Variants in SLC17A5 observed in about 807,000 individuals in gnomAD.
SLC17A5 encodes the protein sialin.
In SLC17A5, 47 loss-of-function variants were observed where a neutral mutation model predicts 59.4. The observed-to-expected ratio is 0.79, with a 90% CI of 0.63 to 1.01. The LOEUF is 1.01. SLC17A5 is among the 50% of genes least tolerant of loss of function. The pLI is 0.00. For synonymous variants in SLC17A5, 202 were observed against 210.7 expected (o/e 0.96, Z 0.36); for missense variants, 522 against 595.5 (o/e 0.88, Z 1.28).
intron 9 of SLC17A5, among the ~76,000 whole-genome samples, chr6:73,601,026 C>T (rs1423017677): frequency 6.9e-6 from 1 of 144,692 alleles, no homozygotes; most frequent in East Asian, 2.1e-4. Context: ...GTGAGGAGAC[C>T]CTCTGCCTGG....
intron 3 of SLC17A5, among the ~76,000 whole-genome samples, chr6:73,639,165 G>A (rs562846508): frequency 7.9e-5 from 12 of 152,144 alleles, no homozygotes; most frequent in Non-Finnish European, 1.6e-4. Context: ...TTACTGACAC[G>A]GAGAGCTAAC....
At chr6:73,653,382 C>G (rs1471082517) in intron 1 of SLC17A5, 10 of 985,336 alleles carry the variant, frequency 1.0e-5, no homozygotes, top group Non-Finnish European at 1.2e-6. Flanking sequence ...CCGGGGTCCT[C>G]CGCTCGGACC....
chr6:73,618,325 C>T (rs72949387), intron 7 of SLC17A5: 44,925 of 225,560 alleles, frequency 0.2, 4,938 homozygotes, highest in African/African-American at 0.22. Context: ...CTGGTTGTGA[C>T]GACCTACCGA....
rs151113813 is a variant in SLC17A5 at position 73,598,103 on chromosome 6, C to T, written c.1350+2248G>A. On this transcript the variant is annotated intron_variant, in intron 10 of 10. Coordinates refer to ENST00000355773, the MANE Select transcript of SLC17A5 (RefSeq NM_012434.5). ...AAGCTGCCCTGTGTGGTCTCTGGGA[C>T]AAAATAATACTTCAGTGTTATCTGA... Among the ~76,000 whole-genome samples, 418 of 152,226 alleles carry T rather than the reference C, an allele frequency of 2.7e-3. 1 individual carries two copies. Among genetic ancestry groups the T allele is most frequent in the Middle Eastern group, 0.024 (7 of 294 alleles).
intron 1 of SLC17A5, 108 bp from the exon 2 acceptor site, chr6:73,644,711 A>G (rs941657738): frequency 4.8e-6 from 5 of 1,031,308 alleles, no homozygotes; most frequent in Non-Finnish European, 7.2e-6. Context: ...GGCTCAAGCC[A>G]TCCACCCACC....
At chr6:73,651,423 T>G (rs1286469681) in intron 1 of SLC17A5, among the ~76,000 whole-genome samples, 1 of 111,702 alleles carries the variant, frequency 9.0e-6, no homozygotes, top group Non-Finnish European at 1.7e-5. Flanking sequence ...ATCGCACCAC[T>G]GCACTCCAGC....
At chr6:73,617,324 A>G (rs931831601) in intron 7 of SLC17A5, among the ~76,000 whole-genome samples, 6 of 152,232 alleles carry the variant, frequency 3.9e-5, no homozygotes, top group South Asian at 4.2e-4. Context: ...AAAAGAAAAA[A>G]AAACACAATT....
At chr6:73,610,691 GAA>G (rs10707321) in intron 8 of SLC17A5, 144 bp from the exon 9 acceptor site, 28 of 703,018 alleles carry the variant, frequency 4.0e-5, no homozygotes, top group Admixed American at 5.9e-5. Context: ...AATTTCATGA[GAA>G]AAAAAAAATG....
At chr6:73,645,583 T>C (rs891847236) in intron 1 of SLC17A5, 4 of 608,526 alleles carry the variant, frequency 6.6e-6, no homozygotes, top group Non-Finnish European at 8.2e-6. Context: ...GGTCAGGAGA[T>C]CGAGACCATC....
rs781367358 is a variant in SLC17A5, at chr6:73,610,540, A to C, written c.1119T>G (p.Ile373Met). 9.3e-6 allele frequency: 15 copies of C among 1,614,032 alleles called. No individual in the cohort carries two copies. The African/African-American group carries it at 1.7e-4, about 19-fold the overall frequency. ...CAGCTACCAGGAATACTGCAGGTCC[A>C]ATCATTCCTGGAGTTAAAAAGTTAT... ...VRRIFSLIGM[I>M]GPAVFLVAAG... The change falls in exon 9 of 11, where the codon ATT becomes ATG. Residue 373 changes from isoleucine to methionine, a missense_variant. This residue lies in a region of SLC17A5 where 153 missense variants were observed against 168.5 expected (regional missense o/e 0.91). Transcript: ENST00000355773.
chr6:73,628,581 A>AC (rs1768545503), intron 6 of SLC17A5, among the ~76,000 whole-genome samples: 1 of 47,932 alleles, frequency 2.1e-5, no homozygotes, highest in Admixed American at 2.0e-4. Flanking sequence ...CCCCACCCCC[A>AC]CCCCCCAAAA....
intron 9 of SLC17A5, among the ~76,000 whole-genome samples, chr6:73,604,723 C>T (rs960095787): frequency 3.3e-5 from 5 of 152,228 alleles, no homozygotes; most frequent in African/African-American, 1.2e-4. Context: ...TGTACTCCAG[C>T]CTGGGTGACA....
At chr6:73,624,788 G>A (rs55698483) in intron 6 of SLC17A5, among the ~76,000 whole-genome samples, 8,463 of 152,094 alleles carry the variant, frequency 0.056, 422 homozygotes, top group Admixed American at 0.16. Context: ...CAGGAGAATC[G>A]CTTGAACTCA....
intron 6 of SLC17A5, among the ~76,000 whole-genome samples, chr6:73,632,688 C>T (rs9446961): frequency 0.16 from 23,651 of 151,338 alleles, 3,022 homozygotes; most frequent in African/African-American, 0.32. Context: ...GCAATCCTTC[C>T]ATCTTGGCCT....
intron 4 of SLC17A5, 127 bp from the exon 5 acceptor site, chr6:73,636,834 A>C: frequency 1.4e-6 from 1 of 733,380 alleles, no homozygotes; most frequent in Non-Finnish European, 2.4e-6. Flanking sequence ...TAATCCCTGC[A>C]CTTTGGGAGG....
At chr6:73,610,612 G>T in intron 8 of SLC17A5, 65 bp from the exon 9 acceptor site, 1 of 1,569,752 alleles carries the variant, frequency 6.4e-7, no homozygotes, top group South Asian at 1.1e-5. Flanking sequence ...ACCTTAATAT[G>T]GTATAAATCT....
intron 6 of SLC17A5, among the ~76,000 whole-genome samples, chr6:73,627,867 G>A (rs998658825): frequency 6.6e-6 from 1 of 150,510 alleles, no homozygotes; most frequent in East Asian, 1.9e-4. Flanking sequence ...AACCTCAGGC[G>A]ATCCACCTGC....
intron 6 of SLC17A5, among the ~76,000 whole-genome samples, chr6:73,632,460 T>TTTTTA (rs1561996481): frequency 2.4e-5 from 3 of 125,686 alleles, no homozygotes; most frequent in African/African-American, 7.0e-5. Flanking sequence ...TTTTTTTTTT[T>TTTTTA]AAGACAGGGT....
intron 6 of SLC17A5, among the ~76,000 whole-genome samples, chr6:73,624,089 C>A (rs1229901064): frequency 6.6e-6 from 1 of 151,928 alleles, no homozygotes; most frequent in Non-Finnish European, 1.5e-5. Flanking sequence ...AAACACATTG[C>A]TCCCTTTAAA....
Sources: gnomAD v4.1 joint callset for allele counts (sites outside exome capture counted in the v4.1 genomes callset) on GRCh38, gnomAD v4.1.1 for gene constraint, gnomAD v4.1.1 regional missense constraint, MANE v1.5 for transcripts, NCBI Gene and HGNC (gene_info 2026-07-23, HGNC 2026-07-21) for gene names.